The following RNF180 variants were observed in gnomAD, a reference collection of about 807,000 sequenced individuals.
RNF180 encodes ring finger protein 180.
Under a neutral mutation model 59.2 loss-of-function variants are expected in RNF180, and 38 were observed. The observed-to-expected ratio is 0.64, with a 90% CI of 0.50 to 0.84. RNF180 has a LOEUF of 0.84. Ranked by LOEUF, RNF180 falls within the 40% of genes least tolerant of loss-of-function variation. RNF180 has a pLI of 0.00. For synonymous variants in RNF180, 262 were observed against 240.3 expected (o/e 1.09, Z -0.84); for missense variants, 705 against 700.9 (o/e 1.01, Z -0.07).
intron 7 of RNF180, among the ~76,000 whole-genome samples, chr5:64,341,592 TTGAG>T (rs1338299394): frequency 2.0e-5 from 3 of 152,084 alleles, no homozygotes; most frequent in Non-Finnish European, 4.4e-5. Flanking sequence ...AATATGAAGA[TTGAG>T]TATGTAGGCC....
intron 2 of RNF180, among the ~76,000 whole-genome samples, chr5:64,203,195 G>A (rs1486576924): frequency 1.3e-5 from 2 of 152,172 alleles, no homozygotes; most frequent in African/African-American, 4.8e-5. Context: ...CTAAAGTCTT[G>A]TTGAAAATAG....
intron 5 of RNF180, among the ~76,000 whole-genome samples, chr5:64,319,476 G>A (rs1033357009): frequency 3.3e-5 from 5 of 151,854 alleles, no homozygotes; most frequent in African/African-American, 1.2e-4. Context: ...TATGATAAAG[G>A]CAAATGTTAA....
chr5:64,361,219 G>A (rs1345093652), intron 7 of RNF180, among the ~76,000 whole-genome samples: 1 of 151,322 alleles, frequency 6.6e-6, no homozygotes, highest in Non-Finnish European at 1.5e-5. Context: ...TTAGCATATG[G>A]ATTAAAATGC....
chr5:64,339,771 G>T (rs1387157137), intron 7 of RNF180, among the ~76,000 whole-genome samples: 1 of 151,804 alleles, frequency 6.6e-6, no homozygotes, highest in Non-Finnish European at 1.5e-5. Context: ...TTGTATAAAA[G>T]CTTGAACTCA....
chr5:64,260,721 T>C (rs1744287389), intron 5 of RNF180, among the ~76,000 whole-genome samples: 1 of 152,194 alleles, frequency 6.6e-6, no homozygotes, highest in South Asian at 2.1e-4. Flanking sequence ...TACAACTAAC[T>C]GGCTGTATGA....
At chr5:64,231,240 C>T (rs1742086206) in intron 5 of RNF180, among the ~76,000 whole-genome samples, 1 of 152,122 alleles carries the variant, frequency 6.6e-6, no homozygotes, top group Non-Finnish European at 1.5e-5. Flanking sequence ...ATATGTAGCA[C>T]AAAGCTATGC....
At chr5:64,270,050 A>C (rs894542174) in intron 5 of RNF180, among the ~76,000 whole-genome samples, 1 of 148,688 alleles carries the variant, frequency 6.7e-6, no homozygotes, top group Non-Finnish European at 1.5e-5. Context: ...CACACACACA[A>C]AAGCCTTTAG....
chr5:64,174,453 T>C (rs1011030683), intron 1 of RNF180, among the ~76,000 whole-genome samples: 1 of 152,220 alleles, frequency 6.6e-6, no homozygotes, highest in East Asian at 1.9e-4. Flanking sequence ...GTTCTTCATA[T>C]ACATTCCAGC....
intron 7 of RNF180, among the ~76,000 whole-genome samples, chr5:64,351,833 A>G (rs1697213511): frequency 6.6e-6 from 1 of 152,038 alleles, no homozygotes; most frequent in Non-Finnish European, 1.5e-5. Context: ...TTTTTGCATC[A>G]ATGTTCATCA....
At chr5:64,286,191 A>G (rs532712199) in intron 5 of RNF180, among the ~76,000 whole-genome samples, 27 of 152,220 alleles carry the variant, frequency 1.8e-4, no homozygotes, top group Non-Finnish European at 4.4e-5. Context: ...ATAGTTTTTA[A>G]TAATATGGTG....
chr5:64,337,039 T>G, intron 7 of RNF180, among the ~76,000 whole-genome samples: 1 of 149,470 alleles, frequency 6.7e-6, no homozygotes, highest in Admixed American at 6.6e-5. Flanking sequence ...TTTTGTTTTT[T>G]TTGAGACAAC....
chr5:64,338,816 G>C (rs892517534), intron 7 of RNF180, among the ~76,000 whole-genome samples: 4 of 151,890 alleles, frequency 2.6e-5, no homozygotes, highest in Admixed American at 6.6e-5. Context: ...AGCATTTCTT[G>C]AAATTATCAT....
At chr5:64,228,588 A>G (rs989274543) in intron 5 of RNF180, among the ~76,000 whole-genome samples, 1 of 152,164 alleles carries the variant, frequency 6.6e-6, no homozygotes, top group African/African-American at 2.4e-5. Flanking sequence ...CTGGAATGCT[A>G]TTAATTATGT....
chr5:64,369,753 T>C lies in RNF180; in HGVS notation c.1718T>C (p.Val573Ala). Residue 573 changes from valine (V) to alanine (A), a missense_variant, in exon 8 of 8, where the codon GTG becomes GCG. Val to Ala is a moderately conservative substitution (Grantham distance 64). Transcript: ENST00000389100. Reference sequence around the variant, plus strand: ...ATGGTGATCATATATATTTATTCAGTGAACTGGGTCATTGGATTCATTGTT... The same window carrying C: ...ATGGTGATCATATATATTTATTCAGCGAACTGGGTCATTGGATTCATTGTT... The part of the protein sequence containing the change: ...MDMVIIYIYS[V>A]NWVIGFIVFC... 6.5e-7 allele frequency: 1 copy of C among 1,536,544 alleles called. No individual in the cohort carries two copies. The highest frequency in any genetic ancestry group is 8.8e-7 in the Non-Finnish European group (1 of 1,141,992).
chr5:64,220,297 C>T (rs1228976448), intron 5 of RNF180, among the ~76,000 whole-genome samples: 5 of 151,392 alleles, frequency 3.3e-5, no homozygotes, highest in South Asian at 2.1e-4. Context: ...ATTTATTTGT[C>T]CTTCTTTTAT....
intron 5 of RNF180, among the ~76,000 whole-genome samples, chr5:64,238,146 C>T (rs1480435800): frequency 6.6e-6 from 1 of 152,200 alleles, no homozygotes; most frequent in Non-Finnish European, 1.5e-5. Flanking sequence ...CAGTGTTCAA[C>T]CATGTTTTTG....
At chr5:64,256,117 T>A (rs1580123048) in intron 5 of RNF180, among the ~76,000 whole-genome samples, 1 of 152,040 alleles carries the variant, frequency 6.6e-6, no homozygotes, top group African/African-American at 2.4e-5. Flanking sequence ...GTCAGATGAG[T>A]AGATTGCAAA....
At chr5:64,237,639 T>A (rs117500541) in intron 5 of RNF180, among the ~76,000 whole-genome samples, 1 of 152,164 alleles carries the variant, frequency 6.6e-6, no homozygotes, top group Non-Finnish European at 1.5e-5. Flanking sequence ...CAGAATGATA[T>A]GGTTTGGCCG....
intron 2 of RNF180, among the ~76,000 whole-genome samples, chr5:64,201,157 C>T (rs1292482748): frequency 6.6e-6 from 1 of 152,126 alleles, no homozygotes; most frequent in African/African-American, 2.4e-5. Context: ...ATTAATTTTG[C>T]CTTTAATTAC....
Sources: gnomAD v4.1 joint callset for allele counts (sites outside exome capture counted in the v4.1 genomes callset) on GRCh38, gnomAD v4.1.1 for gene constraint, MANE v1.5 for transcripts, NCBI Gene and HGNC (gene_info 2026-07-23, HGNC 2026-07-21) for gene names.